ME1: variants seen among roughly 807,000 people sequenced by gnomAD.
ME1 encodes malic enzyme 1.
In ME1, 74 loss-of-function variants were observed where a neutral mutation model predicts 66.4. The observed-to-expected ratio is 1.11, with a 90% CI of 0.92 to 1.35. ME1 has a LOEUF of 1.35. ME1 is among the 40% of genes most tolerant of loss of function. The pLI, the probability that ME1 is intolerant of heterozygous loss-of-function variation, is 0.00. For synonymous variants in ME1, 251 were observed against 235.6 expected (o/e 1.07, Z -0.60); for missense variants, 750 against 694.1 (o/e 1.08, Z -0.90).
intron 6 of ME1, among the ~76,000 whole-genome samples, chr6:83,306,867 C>T (rs1767833481): frequency 6.6e-6 from 1 of 151,962 alleles, no homozygotes; most frequent in South Asian, 2.1e-4. Context: ...ATAATGCATG[C>T]ATAAGACTCA....
chr6:83,237,443 GGAAA>G lies in ME1; in HGVS notation c.1026+270_1026+273del, dbSNP rs549469410. 1.7e-3 allele frequency among the ~76,000 whole-genome samples: 258 copies of G among 149,856 alleles called. 1 individual carries two copies. The highest frequency in any genetic ancestry group is 2.3e-3 in the Non-Finnish European group (157 of 67,424). On this transcript the variant is annotated intron_variant, in intron 9 of 13. Transcript: ENST00000369705. ...AAGAAAGAGAAAGGAAAGAAAGGAA[GGAAA>G]GAAAGAAAGAAAACTAAACTAATTC...
intron 9 of ME1, among the ~76,000 whole-genome samples, chr6:83,233,862 A>G (rs1490311742): frequency 6.6e-6 from 1 of 152,076 alleles, no homozygotes; most frequent in African/African-American, 2.4e-5. Flanking sequence ...TTAGTTCTGC[A>G]ACAAAAGTCA....
Position 83,273,113 on chromosome 6 carries a change from G to T in ME1, c.705-19375C>A, listed in dbSNP as rs1767114715. Among the ~76,000 whole-genome samples, 8 of 149,482 alleles carry T rather than the reference G, an allele frequency of 5.4e-5. 1 individual carries two copies. The South Asian group carries it at 6.4e-4, about 12-fold the overall frequency. On this transcript the variant is annotated intron_variant, in intron 6 of 13. Transcript: ENST00000369705. ...AATTGCTTGAACCCAGGAGATGGAG[G>T]CTGCAGTGAGCCAACATGGTGCCAC...
intron 9 of ME1, among the ~76,000 whole-genome samples, chr6:83,237,416 GAAAGAAAGAGA>G (rs1295506022): frequency 6.7e-6 from 1 of 149,682 alleles, no homozygotes; most frequent in Non-Finnish European, 1.5e-5. Context: ...GAAAAAGAAA[GAAAGAAAGAGA>G]AAGGAAAGAA....
At chr6:83,228,782 T>G (rs1790245859) in intron 10 of ME1, 44 bp downstream of exon 10, 2 of 1,314,142 alleles carry the variant, frequency 1.5e-6, no homozygotes, top group Admixed American at 2.2e-5. Context: ...AACAATCAGG[T>G]CAAAATAAGG....
At chr6:83,407,054 C>CACCA (rs1043879843) in intron 2 of ME1, among the ~76,000 whole-genome samples, 1 of 152,024 alleles carries the variant, frequency 6.6e-6, no homozygotes. Context: ...CCCTGATTAA[C>CACCA]ACCAACACTT....
chr6:83,268,910 A>G (rs1254321706), intron 6 of ME1, among the ~76,000 whole-genome samples: 5 of 152,042 alleles, frequency 3.3e-5, no homozygotes, highest in Admixed American at 1.3e-4. Flanking sequence ...TGAGAGGTTA[A>G]ATTAATACAA....
chr6:83,243,537 CTAT>C (rs1215678011), intron 7 of ME1, among the ~76,000 whole-genome samples: 1 of 67,100 alleles, frequency 1.5e-5, no homozygotes, highest in Admixed American at 1.6e-4. Flanking sequence ...TCGATATAAT[CTAT>C]TATAATTATA....
At chr6:83,430,212 G>A (rs11968233) in intron 1 of ME1, among the ~76,000 whole-genome samples, 1 of 150,210 alleles carries the variant, frequency 6.7e-6, no homozygotes, top group African/African-American at 2.5e-5. Flanking sequence ...CAAAACAAAA[G>A]AAAGAAAGAA....
At position 83,210,743 on chromosome 6, in the gene ME1, A is replaced by C. The variant is rs1350378973; in HGVS notation, c.*1181T>G. The C allele has an allele frequency of 6.6e-6, 1 of 152,204 alleles. No homozygotes were observed. The highest frequency in any genetic ancestry group is 1.5e-5 in the Non-Finnish European group (1 of 68,042). 9.4% of individuals were successfully genotyped at this position (152,204 alleles called of 1,614,324 possible). On this transcript the variant is annotated 3_prime_UTR_variant, in exon 14 of 14. Transcript: ENST00000369705. ...AAATAATTCTATAAATAAGTAGCAA[A>C]TGTTATTGCACCTTAGCTTTATAAT...
intron 6 of ME1, among the ~76,000 whole-genome samples, chr6:83,300,617 T>TTC (rs1767697568): frequency 7.1e-6 from 1 of 141,354 alleles, no homozygotes; most frequent in Non-Finnish European, 1.5e-5. Context: ...TTTCTTTTTT[T>TTC]TTTTTTTTTT....
rs148736830 is a variant in ME1, at chr6:83,255,227, T to C, written c.705-1489A>G. Among the ~76,000 whole-genome samples the C allele has an allele frequency of 2.5e-4, 38 of 152,188 alleles. No individual in the cohort carries two copies. The East Asian group carries it at 5.6e-3, about 22-fold the overall frequency. On this transcript the variant is annotated intron_variant, in intron 6 of 13. Transcript: ENST00000369705. ...TTTTTCTATGTCTATTTGTCATTTGTAATTTTTTCTGGGAGATTCTATGTT... is the reference window on the plus strand; with the variant it reads ...TTTTTCTATGTCTATTTGTCATTTGCAATTTTTTCTGGGAGATTCTATGTT...
chr6:83,258,091 CAATGT>C (rs1234284889), intron 6 of ME1, among the ~76,000 whole-genome samples: 2 of 152,086 alleles, frequency 1.3e-5, no homozygotes, highest in African/African-American at 4.8e-5. Context: ...GGTTTGCCTT[CAATGT>C]TTAGGACACA....
chr6:83,224,608 C>G (rs752767255), intron 11 of ME1, among the ~76,000 whole-genome samples: 37 of 148,256 alleles, frequency 2.5e-4, no homozygotes, highest in Non-Finnish European at 5.2e-4. Context: ...CGCTTGAACT[C>G]AGGAGGCAGA....
chr6:83,347,721 A>C (rs189798812), intron 4 of ME1, among the ~76,000 whole-genome samples: 2 of 152,318 alleles, frequency 1.3e-5, no homozygotes, highest in Non-Finnish European at 2.9e-5. Context: ...CTGGTACATT[A>C]CAAATTCTTA....
At chr6:83,283,381 T>C (rs1457333827) in intron 6 of ME1, among the ~76,000 whole-genome samples, 1 of 151,420 alleles carries the variant, frequency 6.6e-6, no homozygotes, top group Non-Finnish European at 1.5e-5. Context: ...TGAGAACACA[T>C]GGACACAGGG....
In ME1 at chr6:83,430,784, G is replaced by A. The variant is rs1486114768; in HGVS notation, c.78+93C>T. The A allele has an allele frequency of 4.4e-6, 5 of 1,136,272 alleles. No homozygotes were observed. The East Asian group carries it at 8.5e-5, about 19-fold the overall frequency. The allele number at this position is 1,136,272 out of a possible 1,614,324, so 70.4% of individuals were successfully genotyped here. A position where few individuals can be genotyped will look rare whatever the true frequency, so the allele number is the denominator to read the frequency against. The stretch of plus-strand genomic sequence containing the variant: ...CCGGGAACCTTCCCAGGGGAGCGGC[G>A]GAGGGGCGAGGCCATGGTGCGGGGA... On this transcript the variant is annotated intron_variant, in intron 1 of 13. Transcript: ENST00000369705.
At chr6:83,256,100 T>C (rs1475583320) in intron 6 of ME1, among the ~76,000 whole-genome samples, 1 of 152,158 alleles carries the variant, frequency 6.6e-6, no homozygotes, top group Non-Finnish European at 1.5e-5. Flanking sequence ...TCAGAGCTCC[T>C]GGGATCAATC....
At chr6:83,408,674 C>A (rs1769991751) in intron 1 of ME1, among the ~76,000 whole-genome samples, 1 of 152,112 alleles carries the variant, frequency 6.6e-6, no homozygotes, top group South Asian at 2.1e-4. Flanking sequence ...GATGCATAAA[C>A]CATAATGGAC....
Sources: gnomAD v4.1 joint callset for allele counts (sites outside exome capture counted in the v4.1 genomes callset) on GRCh38, gnomAD v4.1.1 for gene constraint, MANE v1.5 for transcripts, NCBI Gene and HGNC (gene_info 2026-07-23, HGNC 2026-07-21) for gene names.